Variants in SNTG2 observed in about 807,000 individuals in gnomAD.
The protein encoded by SNTG2 is syntrophin gamma 2, also known as gamma-2-syntrophin.
In SNTG2, 74 loss-of-function variants were observed where a neutral mutation model predicts 70.9. That is an observed-to-expected ratio of 1.04 (90% CI 0.86 to 1.27). The LOEUF is 1.27. Among genes scored for constraint, SNTG2 ranks in the 50% most tolerant of loss-of-function variants. The pLI, the probability that SNTG2 is intolerant of heterozygous loss-of-function variation, is 0.00. For missense variants in SNTG2, 717 were observed against 690.7 expected (o/e 1.04, Z -0.43); for synonymous variants, 278 against 273.8 (o/e 1.02, Z -0.15).
chr2:1,022,857 G>T (rs1031545502), intron 1 of SNTG2, among the ~76,000 whole-genome samples: 1 of 152,146 alleles, frequency 6.6e-6, no homozygotes, highest in Non-Finnish European at 1.5e-5. Context: ...TCTTGATAGC[G>T]AATATAAATC....
chr2:1,023,324 G>T (rs773605422), intron 1 of SNTG2, among the ~76,000 whole-genome samples: 1 of 152,094 alleles, frequency 6.6e-6, no homozygotes, highest in Non-Finnish European at 1.5e-5. Flanking sequence ...GTGGCTCCAA[G>T]ATTGTGTTTT....
At chr2:1,132,557 C>CT (rs1180020942) in intron 4 of SNTG2, among the ~76,000 whole-genome samples, 1 of 152,182 alleles carries the variant, frequency 6.6e-6, no homozygotes, top group African/African-American at 2.4e-5. Flanking sequence ...CATGTGTCAT[C>CT]GTGGTAGTAA....
chr2:1,082,905 C>A (rs1489169341), intron 1 of SNTG2, among the ~76,000 whole-genome samples: 1 of 152,200 alleles, frequency 6.6e-6, no homozygotes, highest in Non-Finnish European at 1.5e-5. Context: ...ATTAAACTTC[C>A]CTCCTGATCA....
At chr2:1,185,590 G>A (rs577581283) in intron 8 of SNTG2, among the ~76,000 whole-genome samples, 3 of 152,350 alleles carry the variant, frequency 2.0e-5, no homozygotes, top group Admixed American at 6.5e-5. Context: ...CCACATGGAA[G>A]TCACCAAGGA....
chr2:984,403 A>G (rs1661236071), intron 1 of SNTG2, among the ~76,000 whole-genome samples: 1 of 152,084 alleles, frequency 6.6e-6, no homozygotes, highest in Non-Finnish European at 1.5e-5. Flanking sequence ...CAAATCTTCC[A>G]GCATGAGGCT....
At chr2:1,227,201 A>G (rs1175086706) in intron 9 of SNTG2, among the ~76,000 whole-genome samples, 1 of 152,254 alleles carries the variant, frequency 6.6e-6, no homozygotes, top group African/African-American at 2.4e-5. Context: ...AACAAAACCA[A>G]ACCAAACATA....
At chr2:1,299,800 C>T (rs79578000) in intron 14 of SNTG2, among the ~76,000 whole-genome samples, 4 of 152,330 alleles carry the variant, frequency 2.6e-5, no homozygotes, top group East Asian at 1.9e-4. Context: ...TGTGTGCCTG[C>T]CCAAACCCCA....
At chr2:1,148,050 G>A (rs138917662) in intron 6 of SNTG2, among the ~76,000 whole-genome samples, 2 of 152,296 alleles carry the variant, frequency 1.3e-5, no homozygotes, top group African/African-American at 4.8e-5. Flanking sequence ...ATGAGCTGGT[G>A]GTTGCATTTT....
chr2:1,333,054 T>C (rs763988283), intron 16 of SNTG2, among the ~76,000 whole-genome samples: 7 of 152,140 alleles, frequency 4.6e-5, no homozygotes, highest in Non-Finnish European at 8.8e-5. Context: ...TTAGAAACTG[T>C]AAGGACTCAT....
At chr2:1,339,966 G>A (rs1019212652) in intron 16 of SNTG2, among the ~76,000 whole-genome samples, 3 of 152,192 alleles carry the variant, frequency 2.0e-5, no homozygotes, top group Non-Finnish European at 2.9e-5. Flanking sequence ...TGGCCGCATC[G>A]AACTGAAATC....
chr2:1,089,040 G>C (rs549386523), intron 2 of SNTG2, among the ~76,000 whole-genome samples: 74 of 152,356 alleles, frequency 4.9e-4, no homozygotes, highest in South Asian at 1.9e-3. Flanking sequence ...GGGGCTGAAG[G>C]CTGCAAGGAT....
chr2:1,288,467 G>C (rs1043048717), intron 14 of SNTG2, among the ~76,000 whole-genome samples: 1 of 151,644 alleles, frequency 6.6e-6, no homozygotes, highest in Admixed American at 6.6e-5. Context: ...CAAGCTCACC[G>C]ACAAGCTACA....
intron 8 of SNTG2, among the ~76,000 whole-genome samples, chr2:1,180,226 TTAAAC>T (rs1671778015): frequency 7.8e-6 from 1 of 128,616 alleles, no homozygotes; most frequent in Admixed American, 8.8e-5. Flanking sequence ...TGGGATCTAA[TTAAAC>T]TAAAGAGCTT....
chr2:1,028,318 G>T (rs137878207), intron 1 of SNTG2, among the ~76,000 whole-genome samples: 1 of 152,248 alleles, frequency 6.6e-6, no homozygotes, highest in East Asian at 1.9e-4. Flanking sequence ...GTGCATCATT[G>T]AAGGTGCATC....
chr2:1,148,369 C>T (rs62105979), intron 6 of SNTG2, among the ~76,000 whole-genome samples: 142,633 of 152,246 alleles, frequency 0.94, 66,939 homozygotes, highest in Non-Finnish European at 0.97. Context: ...GACATGAAGG[C>T]GACATCACCT....
At chr2:1,330,436 T>TA (rs1040399824) in intron 16 of SNTG2, among the ~76,000 whole-genome samples, 3 of 152,170 alleles carry the variant, frequency 2.0e-5, no homozygotes, top group African/African-American at 7.2e-5. Context: ...TGATAATACT[T>TA]ACATTTCCCA....
intron 6 of SNTG2, among the ~76,000 whole-genome samples, chr2:1,146,507 CCAAAATTCTA>C (rs1558454608): frequency 6.6e-6 from 1 of 151,740 alleles, no homozygotes. Flanking sequence ...ATGATATCAA[CCAAAATTCTA>C]GCAAAAAGTT....
intron 6 of SNTG2, among the ~76,000 whole-genome samples, chr2:1,144,416 C>G (rs756355983): frequency 6.6e-6 from 1 of 152,172 alleles, no homozygotes; most frequent in Non-Finnish European, 1.5e-5. Context: ...TAACATTCTT[C>G]TGAAGATCAC....
chr2:1,335,310 T>C (rs78255202), intron 16 of SNTG2, among the ~76,000 whole-genome samples: 2,802 of 152,316 alleles, frequency 0.018, 74 homozygotes, highest in African/African-American at 0.062. Context: ...GAATGGGTCC[T>C]GACATACTTC....
Sources: allele counts gnomAD v4.1 joint callset (sites outside exome capture counted in the v4.1 genomes callset), GRCh38; gene constraint gnomAD v4.1.1; transcripts MANE v1.5; gene names NCBI Gene and HGNC (gene_info 2026-07-23, HGNC 2026-07-21).